PKNOX2: variants seen among roughly 807,000 people sequenced by gnomAD.
PKNOX2 encodes the protein homeobox protein PKNOX2.
PKNOX2 carries 14 observed loss-of-function variants against 53.1 expected under a neutral mutation model. The observed-to-expected ratio is 0.26, with a 90% CI of 0.17 to 0.41. The LOEUF is 0.41. Among genes scored for constraint, PKNOX2 ranks in the 10% least tolerant of loss-of-function variants. PKNOX2 has a pLI of 1.00. For synonymous variants in PKNOX2, 257 were observed against 242.8 expected (o/e 1.06, Z -0.54); for missense variants, 496 against 602.8 (o/e 0.82, Z 1.85).
chr11:125,332,018 T>C (rs1223058108), intron 3 of PKNOX2, 93 bp downstream of exon 3: 3 of 152,232 alleles, frequency 2.0e-5, no homozygotes, highest in Non-Finnish European at 2.9e-5. Context: ...GCTCAGAACA[T>C]GAGCTGACAC....
chr11:125,432,843 G>T lies in PKNOX2; in HGVS notation c.*1451G>T, dbSNP rs1306896802. The T allele has an allele frequency of 2.6e-5, 4 of 152,738 alleles. No homozygotes were observed. The highest frequency in any genetic ancestry group is 9.6e-5 in the African/African-American group (4 of 41,532). The allele number at this position is 152,738 out of a possible 1,614,324, so 9.5% of individuals were successfully genotyped here. A position where few individuals can be genotyped will look rare whatever the true frequency, so the allele number is the denominator to read the frequency against. ...TGTGCATTGGCCACCTCCTTCAGTG[G>T]CAGGATGTGAGTGGCTACCTGGCTC... is the stretch of plus-strand genomic sequence containing the variant. On this transcript the variant is annotated 3_prime_UTR_variant, in exon 13 of 13. Coordinates refer to ENST00000298282, the MANE Select transcript of PKNOX2 (RefSeq NM_001382323.2).
intron 1 of PKNOX2, among the ~76,000 whole-genome samples, chr11:125,217,842 C>A (rs1017817786): frequency 6.6e-6 from 1 of 152,182 alleles, no homozygotes; most frequent in African/African-American, 2.4e-5. Context: ...CTGATCCCTC[C>A]ATCACAAATA....
chr11:125,255,772 T>C (rs1434300095), intron 2 of PKNOX2, among the ~76,000 whole-genome samples: 1 of 151,968 alleles, frequency 6.6e-6, no homozygotes, highest in African/African-American at 2.4e-5. Flanking sequence ...CCCTGCCAAA[T>C]GAGCAGGGTT....
intron 1 of PKNOX2, among the ~76,000 whole-genome samples, chr11:125,197,058 C>T (rs528888376): frequency 6.6e-6 from 1 of 152,338 alleles, no homozygotes; most frequent in East Asian, 1.9e-4. Flanking sequence ...TCACTAGCCA[C>T]ATTTCACAGG....
At chr11:125,421,096 C>G (rs1470991949) in intron 10 of PKNOX2, among the ~76,000 whole-genome samples, 1 of 152,054 alleles carries the variant, frequency 6.6e-6, no homozygotes, top group Non-Finnish European at 1.5e-5. Context: ...CACGAACACC[C>G]AAATTTCAGG....
chr11:125,215,829 G>C (rs532239980), intron 1 of PKNOX2, among the ~76,000 whole-genome samples: 1 of 152,264 alleles, frequency 6.6e-6, no homozygotes, highest in African/African-American at 2.4e-5. Flanking sequence ...GAAGTGAAAG[G>C]GTCTTTGAAG....
chr11:125,180,162 C>T (rs1477582508), intron 1 of PKNOX2, among the ~76,000 whole-genome samples: 1 of 152,228 alleles, frequency 6.6e-6, no homozygotes, highest in Non-Finnish European at 1.5e-5. Context: ...AGCTTGCTTG[C>T]TTTTTCAGAT....
intron 6 of PKNOX2, among the ~76,000 whole-genome samples, chr11:125,396,742 T>C (rs1187498498): frequency 6.6e-6 from 1 of 152,208 alleles, no homozygotes; most frequent in Non-Finnish European, 1.5e-5. Flanking sequence ...GTTTACTCAA[T>C]AACTTTCACC....
Position 125,410,540 on chromosome 11 carries a change from C to A in PKNOX2, c.718+215C>A, listed in dbSNP as rs142373289. The A allele has an allele frequency of 1.4e-4, 99 of 710,832 alleles. No individual in the cohort carries two copies. The African/African-American group carries it at 1.6e-3, about 12-fold the overall frequency. 44.0% of individuals were successfully genotyped at this position (710,832 alleles called of 1,614,324 possible). On this transcript the variant is annotated intron_variant, in intron 8 of 12. Coordinates refer to ENST00000298282, the MANE Select transcript of PKNOX2 (RefSeq NM_001382323.2). ...AATTTGGGTCAAAATCTCATGAGCCCCTGAGAGGACCAAGTAAGGCTGTTG... is the reference window on the plus strand; with the variant it reads ...AATTTGGGTCAAAATCTCATGAGCCACTGAGAGGACCAAGTAAGGCTGTTG...
At chr11:125,386,713 AACACACACACAC>A (rs3138544) in intron 6 of PKNOX2, among the ~76,000 whole-genome samples, 3 of 141,040 alleles carry the variant, frequency 2.1e-5, no homozygotes, top group Non-Finnish European at 3.1e-5. Context: ...GAAGAAAAAG[AACACACACACAC>A]ACACACACAC....
intron 2 of PKNOX2, among the ~76,000 whole-genome samples, chr11:125,248,600 A>C (rs1943735998): frequency 1.3e-5 from 2 of 150,146 alleles, no homozygotes; most frequent in South Asian, 4.2e-4. Flanking sequence ...TATAATATAG[A>C]TGTATTATAT....
chr11:125,356,773 G>T (rs1443366855), intron 4 of PKNOX2, among the ~76,000 whole-genome samples: 1 of 152,260 alleles, frequency 6.6e-6, no homozygotes, highest in African/African-American at 2.4e-5. Flanking sequence ...GAAGCTGGAT[G>T]GGCTTTGATC....
At chr11:125,332,794 C>A (rs7115205) in intron 3 of PKNOX2, 13,227 of 152,164 alleles carry the variant, frequency 0.087, 1,899 homozygotes, top group African/African-American at 0.3. Context: ...GGTTTCCCTG[C>A]AGAGAGGGAA....
intron 1 of PKNOX2, among the ~76,000 whole-genome samples, chr11:125,200,188 A>G (rs1489526089): frequency 6.6e-6 from 1 of 152,222 alleles, no homozygotes; most frequent in Non-Finnish European, 1.5e-5. Flanking sequence ...CCCCACTGCC[A>G]AAGCATTTTG....
chr11:125,201,213 G>A (rs1393590205), intron 1 of PKNOX2, among the ~76,000 whole-genome samples: 2 of 152,114 alleles, frequency 1.3e-5, no homozygotes, highest in Non-Finnish European at 2.9e-5. Flanking sequence ...AGAGGAAGCG[G>A]GGTCTTCCTT....
chr11:125,231,723 GGTGTGTGT>G (rs752521063), intron 1 of PKNOX2, among the ~76,000 whole-genome samples: 1 of 151,146 alleles, frequency 6.6e-6, no homozygotes, highest in Admixed American at 6.6e-5. Context: ...GTGTGTGGGG[GGTGTGTGT>G]GTGTGTGTGG....
At chr11:125,247,223 CAT>C (rs1352861226) in intron 2 of PKNOX2, among the ~76,000 whole-genome samples, 1 of 152,204 alleles carries the variant, frequency 6.6e-6, no homozygotes, top group Non-Finnish European at 1.5e-5. Context: ...TGCTTATCCA[CAT>C]GAGGTCCTCT....
At chr11:125,335,232 C>T (rs941351670) in intron 3 of PKNOX2, among the ~76,000 whole-genome samples, 2 of 152,216 alleles carry the variant, frequency 1.3e-5, no homozygotes, top group African/African-American at 4.8e-5. Flanking sequence ...TCTGAACTCC[C>T]TGTAGGATTC....
intron 7 of PKNOX2, among the ~76,000 whole-genome samples, chr11:125,407,279 G>A (rs1179347303): frequency 2.0e-5 from 3 of 152,214 alleles, no homozygotes; most frequent in East Asian, 1.9e-4. Flanking sequence ...AAGCCACAAG[G>A]TGGAGAAGCA....
Sources: allele counts gnomAD v4.1 joint callset (sites outside exome capture counted in the v4.1 genomes callset), GRCh38; gene constraint gnomAD v4.1.1; transcripts MANE v1.5; gene names NCBI Gene and HGNC (gene_info 2026-07-23, HGNC 2026-07-21).